Variants in ERP44 observed in about 807,000 individuals in gnomAD.
The protein encoded by ERP44 is endoplasmic reticulum resident protein 44.
ERP44 carries 25 observed loss-of-function variants against 53.4 expected under a neutral mutation model. The ratio of observed to expected loss-of-function variants is 0.47; its 90% CI spans 0.34 to 0.65. The LOEUF (loss-of-function observed/expected upper bound fraction) is 0.65. Among genes scored for constraint, ERP44 ranks in the 30% least tolerant of loss-of-function variants. The pLI is 0.01. For synonymous variants in ERP44, 145 were observed against 161.2 expected (o/e 0.90, Z 0.76); for missense variants, 338 against 493.2 (o/e 0.69, Z 2.98).
chr9:100,015,109 T>G (rs1326573065), intron 8 of ERP44, among the ~76,000 whole-genome samples: 1 of 152,192 alleles, frequency 6.6e-6, no homozygotes, highest in Non-Finnish European at 1.5e-5. Flanking sequence ...TCCCTAATAC[T>G]GTCACATTGG....
rs531898126 is a variant in ERP44 at position 100,091,692 on chromosome 9, C to A, written c.57+7092G>T. Among the ~76,000 whole-genome samples, 6 of 152,178 alleles carry A rather than the reference C, an allele frequency of 3.9e-5. No individual in the cohort carries two copies. In the South Asian group the frequency reaches 8.3e-4, roughly 21 times the overall value. ...GGCAATATTCAAATTCATCTTTTTC[C>A]AAGACTACTCTGATTCCTCCACTGA... On this transcript the variant is annotated intron_variant, in intron 1 of 11. Coordinates refer to ENST00000262455, the MANE Select transcript of ERP44 (RefSeq NM_015051.3).
intron 1 of ERP44, among the ~76,000 whole-genome samples, chr9:100,077,682 C>A (rs542496186): frequency 6.6e-6 from 1 of 152,282 alleles, no homozygotes; most frequent in East Asian, 1.9e-4. Flanking sequence ...GTTCAGGTTG[C>A]CAGCTGGACA....
intron 8 of ERP44, 37 bp downstream of exon 8, chr9:100,016,285 G>C: frequency 6.4e-7 from 1 of 1,566,574 alleles, no homozygotes; most frequent in Non-Finnish European, 8.6e-7. Flanking sequence ...TCAGACATTT[G>C]AATTTAAAGT....
chr9:100,019,949 A>G (rs1023779171), intron 6 of ERP44, among the ~76,000 whole-genome samples: 12 of 152,224 alleles, frequency 7.9e-5, no homozygotes, highest in Non-Finnish European at 1.8e-4. Context: ...CAAGGTAGCC[A>G]GGCATAAACT....
At chr9:100,081,847 A>G (rs1241774343) in intron 1 of ERP44, among the ~76,000 whole-genome samples, 3 of 152,190 alleles carry the variant, frequency 2.0e-5, no homozygotes, top group Admixed American at 6.5e-5. Context: ...TTGTAGGTAT[A>G]AAAATGAGAA....
chr9:100,013,290 G>C (rs2118641553), intron 8 of ERP44, among the ~76,000 whole-genome samples: 1 of 152,146 alleles, frequency 6.6e-6, no homozygotes, highest in Admixed American at 6.5e-5. Flanking sequence ...ATTAGGTTAA[G>C]CTATAGTGCT....
At chr9:100,048,287 C>G (rs1219154859) in intron 4 of ERP44, among the ~76,000 whole-genome samples, 2 of 151,798 alleles carry the variant, frequency 1.3e-5, no homozygotes, top group Admixed American at 6.6e-5. Context: ...CAAACCTGCA[C>G]GTTGTGCACA....
At chr9:100,052,119 A>G (rs1826044995) in intron 4 of ERP44, among the ~76,000 whole-genome samples, 1 of 152,166 alleles carries the variant, frequency 6.6e-6, no homozygotes, top group Admixed American at 6.5e-5. Context: ...TTGCTTTGGT[A>G]GAAAACACTG....
At chr9:100,028,783 T>C (rs1830680541) in intron 4 of ERP44, among the ~76,000 whole-genome samples, 1 of 152,168 alleles carries the variant, frequency 6.6e-6, no homozygotes, top group Non-Finnish European at 1.5e-5. Flanking sequence ...CCAATACTCT[T>C]AATGGCATGG....
At chr9:100,082,862 A>G (rs897798132) in intron 1 of ERP44, among the ~76,000 whole-genome samples, 1 of 152,160 alleles carries the variant, frequency 6.6e-6, no homozygotes, top group Non-Finnish European at 1.5e-5. Flanking sequence ...TCATGAGAAT[A>G]TATTTCAAAT....
At chr9:100,095,888 T>C (rs938970711) in intron 1 of ERP44, among the ~76,000 whole-genome samples, 2 of 152,236 alleles carry the variant, frequency 1.3e-5, no homozygotes, top group African/African-American at 4.8e-5. Context: ...ACTGTGCTTA[T>C]TTTTAAGGTA....
intron 10 of ERP44, among the ~76,000 whole-genome samples, chr9:99,996,548 T>C (rs944738207): frequency 6.6e-6 from 1 of 151,718 alleles, no homozygotes; most frequent in African/African-American, 2.4e-5. Flanking sequence ...TTTTCCCCCA[T>C]TGGTTATTGG....
At chr9:99,994,048 TTGG>T (rs1338845642) in intron 10 of ERP44, among the ~76,000 whole-genome samples, 2 of 152,330 alleles carry the variant, frequency 1.3e-5, no homozygotes, top group Non-Finnish European at 2.9e-5. Context: ...TTTTACACTG[TTGG>T]TGGGAGTGTA....
At chr9:100,081,078 A>G (rs1313469129) in intron 1 of ERP44, among the ~76,000 whole-genome samples, 2 of 152,122 alleles carry the variant, frequency 1.3e-5, no homozygotes, top group Non-Finnish European at 2.9e-5. Flanking sequence ...CAGTAATTAT[A>G]AAAGAATTTA....
In ERP44 at chr9:100,057,856, T is replaced by C. The variant is rs143034960; in HGVS notation, c.134A>G (p.Asn45Ser). Reference protein sequence around the residue: ...DTENIDEILNNADVALVNFYA... With the variant: ...DTENIDEILNSADVALVNFYA... ...AAAATTTACTAAAGCAACATCAGCA[T>C]TGTCTGAAATTGAAAGACAAAACCA... The change falls in exon 3 of 12, where the codon AAT becomes AGT. Residue 45 changes from asparagine to serine, a missense_variant. This residue lies in a region of ERP44 where 224 missense variants were observed against 301.4 expected (regional missense o/e 0.74). Coordinates refer to ENST00000262455, the MANE Select transcript of ERP44 (RefSeq NM_015051.3). 5.1e-5 allele frequency: 81 copies of C among 1,594,522 alleles called. No individual in the cohort carries two copies. In the African/African-American group the frequency reaches 8.9e-4, roughly 17 times the overall value.
chr9:100,088,440 A>G (rs1189705274), intron 1 of ERP44, among the ~76,000 whole-genome samples: 1 of 152,112 alleles, frequency 6.6e-6, no homozygotes, highest in Non-Finnish European at 1.5e-5. Flanking sequence ...TAACTCCCTC[A>G]CTTGCTTCAA....
intron 1 of ERP44, among the ~76,000 whole-genome samples, chr9:100,068,210 G>C (rs1250583339): frequency 6.9e-6 from 1 of 145,268 alleles, no homozygotes; most frequent in Non-Finnish European, 1.5e-5. Flanking sequence ...GAGGTAGGGG[G>C]GTCAGCCCTG....
intron 1 of ERP44, among the ~76,000 whole-genome samples, chr9:100,082,791 G>A (rs1056347443): frequency 6.6e-6 from 1 of 150,718 alleles, no homozygotes; most frequent in African/African-American, 2.4e-5. Context: ...GTAGATCCAT[G>A]CAGTTCAAAC....
At chr9:100,098,633 C>A in intron 1 of ERP44, 151 bp downstream of exon 1, 1 of 598,928 alleles carries the variant, frequency 1.7e-6, no homozygotes, top group South Asian at 2.1e-5. Flanking sequence ...TGGAAGCCGA[C>A]AGGCGAGAGT....
Sources: allele counts gnomAD v4.1 joint callset (sites outside exome capture counted in the v4.1 genomes callset), GRCh38; gene constraint gnomAD v4.1.1; regional missense constraint gnomAD v4.1.1; transcripts MANE v1.5; gene names NCBI Gene and HGNC (gene_info 2026-07-23, HGNC 2026-07-21).